The following CAMK2D variants were observed in gnomAD, a reference collection of about 807,000 sequenced individuals.
The protein encoded by CAMK2D is calcium/calmodulin-dependent protein kinase type II subunit delta.
A neutral mutation model predicts 84.0 loss-of-function variants in CAMK2D; 37 were observed. The ratio of observed to expected loss-of-function variants is 0.44; its 90% CI spans 0.34 to 0.58. The LOEUF (loss-of-function observed/expected upper bound fraction) is 0.58, where lower values mean the gene tolerates loss of function less well. Among genes scored for constraint, CAMK2D ranks in the 20% least tolerant of loss-of-function variants. The probability of loss-of-function intolerance (pLI) is 0.02; values close to 1 mark genes in which losing one functional copy is unlikely to be tolerated. For synonymous variants in CAMK2D, 202 were observed against 212.5 expected (o/e 0.95, Z 0.43); for missense variants, 448 against 652.5 (o/e 0.69, Z 3.41).
rs1012923879 is a variant in CAMK2D, at chr4:113,472,649, C to A, written c.1136-7045G>T. Among the ~76,000 whole-genome samples the A allele has an allele frequency of 3.3e-5, 5 of 152,148 alleles. No individual in the cohort carries two copies. The East Asian group carries it at 9.6e-4, about 29-fold the overall frequency. ...AGAGGTCTAGCTGACTACAATGAAACTTGGACCACAAAATAAACTGAATTT... is the reference window on the plus strand; with the variant it reads ...AGAGGTCTAGCTGACTACAATGAAAATTGGACCACAAAATAAACTGAATTT... On this transcript the variant is annotated intron_variant, in intron 16 of 20. Coordinates refer to ENST00000511664, the MANE Select transcript of CAMK2D (RefSeq NM_001321571.2).
intron 15 of CAMK2D, among the ~76,000 whole-genome samples, chr4:113,501,290 A>AAGAT (rs1233694882): frequency 7.3e-6 from 1 of 137,282 alleles, no homozygotes; most frequent in Non-Finnish European, 1.6e-5. Flanking sequence ...TGCCAGAATT[A>AAGAT]AGATACATTT....
chr4:113,686,095 G>C (rs2099359049), intron 2 of CAMK2D, among the ~76,000 whole-genome samples: 1 of 150,756 alleles, frequency 6.6e-6, no homozygotes, highest in East Asian at 1.9e-4. Context: ...CTAAATAAAC[G>C]AATAATGAAT....
intron 2 of CAMK2D, among the ~76,000 whole-genome samples, chr4:113,690,235 C>G (rs1280127600): frequency 2.6e-5 from 4 of 152,296 alleles, no homozygotes; most frequent in Admixed American, 2.6e-4. Flanking sequence ...AACCCTACCT[C>G]CATTCCTGAA....
At chr4:113,731,426 A>AT (rs2099568548) in intron 2 of CAMK2D, among the ~76,000 whole-genome samples, 1 of 152,224 alleles carries the variant, frequency 6.6e-6, no homozygotes, top group African/African-American at 2.4e-5. Context: ...GCTATTACTG[A>AT]GTTTCTAAAG....
At chr4:113,497,222 G>A (rs1457607875) in intron 16 of CAMK2D, among the ~76,000 whole-genome samples, 1 of 151,840 alleles carries the variant, frequency 6.6e-6, no homozygotes, top group East Asian at 1.9e-4. Flanking sequence ...AGCATAACAA[G>A]ATTCATATAA....
At chr4:113,561,302 C>T (rs886423342) in intron 4 of CAMK2D, among the ~76,000 whole-genome samples, 20 of 151,974 alleles carry the variant, frequency 1.3e-4, no homozygotes, top group South Asian at 2.1e-4. Context: ...AGTGAGACCC[C>T]GTATCTATAA....
intron 12 of CAMK2D, among the ~76,000 whole-genome samples, chr4:113,510,278 TA>T (rs1461180250): frequency 1.3e-5 from 2 of 152,180 alleles, no homozygotes; most frequent in South Asian, 2.1e-4. Flanking sequence ...ACATGATCTC[TA>T]AAAAATGGCA....
intron 3 of CAMK2D, among the ~76,000 whole-genome samples, chr4:113,639,088 A>C (rs1168772601): frequency 6.6e-6 from 1 of 151,474 alleles, no homozygotes; most frequent in Non-Finnish European, 1.5e-5. Flanking sequence ...ACCAAAAAAA[A>C]AAAAAAAATA....
chr4:113,462,338 G>GTCTGTCTATCTATCTATCTA (rs1554637439), intron 17 of CAMK2D, among the ~76,000 whole-genome samples: 55 of 130,482 alleles, frequency 4.2e-4, no homozygotes, highest in Non-Finnish European at 5.1e-4. Flanking sequence ...CTGTCTGTCT[G>GTCTGTCTATCTATCTATCTA]TCTATCTATC....
intron 16 of CAMK2D, among the ~76,000 whole-genome samples, chr4:113,483,409 CT>C (rs763520561): frequency 1.8e-3 from 264 of 144,898 alleles, no homozygotes; most frequent in Admixed American, 1.9e-3. Flanking sequence ...CCTTATGCTT[CT>C]TTTTTTTTTT....
intron 4 of CAMK2D, among the ~76,000 whole-genome samples, chr4:113,577,876 G>A (rs867565170): frequency 3.3e-5 from 5 of 151,960 alleles, no homozygotes; most frequent in African/African-American, 4.8e-5. Flanking sequence ...TATTTGTCAT[G>A]AAAGAGTGCA....
chr4:113,667,542 A>C (rs1442182929), intron 2 of CAMK2D, among the ~76,000 whole-genome samples: 2 of 152,184 alleles, frequency 1.3e-5, no homozygotes, highest in Admixed American at 1.3e-4. Context: ...TTCTTGTTAG[A>C]GAAATTATGT....
intron 2 of CAMK2D, among the ~76,000 whole-genome samples, chr4:113,737,731 C>T (rs776149176): frequency 5.3e-5 from 8 of 152,062 alleles, no homozygotes; most frequent in Non-Finnish European, 8.8e-5. Flanking sequence ...GGCATAATAG[C>T]ATTTTTATAA....
intron 2 of CAMK2D, among the ~76,000 whole-genome samples, chr4:113,724,767 G>A (rs2099540964): frequency 6.6e-6 from 1 of 151,762 alleles, no homozygotes; most frequent in Admixed American, 6.6e-5. Flanking sequence ...ACAGCCTTAA[G>A]GTAACGTTAG....
intron 3 of CAMK2D, among the ~76,000 whole-genome samples, chr4:113,613,435 A>C (rs2099008872): frequency 6.6e-6 from 1 of 152,192 alleles, no homozygotes; most frequent in Non-Finnish European, 1.5e-5. Flanking sequence ...TAATATTCAA[A>C]AAAAATTCAA....
chr4:113,507,523 C>T (rs1038015007), intron 13 of CAMK2D, among the ~76,000 whole-genome samples: 1 of 152,084 alleles, frequency 6.6e-6, no homozygotes, highest in African/African-American at 2.4e-5. Flanking sequence ...TCTGTCTCAA[C>T]CTCTCAAACT....
At chr4:113,732,432 T>C (rs2099571270) in intron 2 of CAMK2D, among the ~76,000 whole-genome samples, 1 of 152,142 alleles carries the variant, frequency 6.6e-6, no homozygotes, top group Non-Finnish European at 1.5e-5. Context: ...CCTGCACTCC[T>C]TTTTAATGTC....
chr4:113,637,629 A>T (rs2154291758), intron 3 of CAMK2D, among the ~76,000 whole-genome samples: 1 of 152,248 alleles, frequency 6.6e-6, no homozygotes, highest in African/African-American at 2.4e-5. Context: ...AGAAAACAGT[A>T]ATCCAACTAT....
At chr4:113,455,540 G>A (rs1365893642) in intron 20 of CAMK2D, among the ~76,000 whole-genome samples, 186 bp downstream of exon 20, 2 of 152,146 alleles carry the variant, frequency 1.3e-5, no homozygotes, top group Non-Finnish European at 2.9e-5. Flanking sequence ...TAAGGATTAT[G>A]CTACCAAATA....
Sources: gnomAD v4.1 joint callset for allele counts (sites outside exome capture counted in the v4.1 genomes callset) on GRCh38, gnomAD v4.1.1 for gene constraint, MANE v1.5 for transcripts, NCBI Gene and HGNC (gene_info 2026-07-23, HGNC 2026-07-21) for gene names.